PACRG: variants seen among roughly 807,000 people sequenced by gnomAD.
PACRG encodes parkin coregulated, also known as parkin coregulated gene protein.
A neutral mutation model predicts 29.7 loss-of-function variants in PACRG; 29 were observed. The observed-to-expected ratio is 0.98, with a 90% CI of 0.73 to 1.33. The LOEUF is 1.33. PACRG is among the 40% of genes most tolerant of loss of function. The pLI, the probability that PACRG is intolerant of heterozygous loss-of-function variation, is 0.00. For synonymous variants in PACRG, 116 were observed against 118.7 expected, an observed-to-expected ratio of 0.98 and a Z score of 0.15; for missense variants, 279 against 316.2, an observed-to-expected ratio of 0.88 and a Z score of 0.89.
At chr6:163,284,711 G>A (rs989583046) in intron 4 of PACRG, among the ~76,000 whole-genome samples, 3 of 149,272 alleles carry the variant, frequency 2.0e-5, no homozygotes, top group African/African-American at 4.9e-5. Context: ...CCCGCTCCCC[G>A]CCTCCCTTCT....
chr6:163,161,067 G>A (rs1238145995), intron 4 of PACRG, among the ~76,000 whole-genome samples: 1 of 152,162 alleles, frequency 6.6e-6, no homozygotes, highest in East Asian at 1.9e-4. Flanking sequence ...GCTCTCATCT[G>A]TTGCATTAGA....
At chr6:162,970,444 G>C (rs1465631945) in intron 2 of PACRG, among the ~76,000 whole-genome samples, 1 of 152,108 alleles carries the variant, frequency 6.6e-6, no homozygotes, top group Non-Finnish European at 1.5e-5. Flanking sequence ...CCCTCTTCTC[G>C]TTTGGCAAGA....
At chr6:163,171,807 C>A (rs188581416) in intron 4 of PACRG, among the ~76,000 whole-genome samples, 1 of 152,276 alleles carries the variant, frequency 6.6e-6, no homozygotes, top group East Asian at 1.9e-4. Context: ...GGTCGGGACC[C>A]TGGACTGCAG....
chr6:163,181,217 A>G (rs1269784630), intron 4 of PACRG, among the ~76,000 whole-genome samples: 1 of 152,104 alleles, frequency 6.6e-6, no homozygotes, highest in Non-Finnish European at 1.5e-5. Context: ...TTGCCTGACC[A>G]TTTTACTCCC....
intron 2 of PACRG, among the ~76,000 whole-genome samples, chr6:162,899,123 A>G (rs180782092): frequency 2.0e-3 from 300 of 152,298 alleles, no homozygotes; most frequent in Non-Finnish European, 3.6e-3. Flanking sequence ...GGCTTGAGTA[A>G]GTCTCTAGAT....
intron 2 of PACRG, among the ~76,000 whole-genome samples, chr6:162,930,944 T>G (rs1257330238): frequency 2.6e-5 from 4 of 151,832 alleles, no homozygotes; most frequent in Admixed American, 6.6e-5. Context: ...CATGGTGTAT[T>G]ATCTTTTTGA....
chr6:163,171,490 C>A (rs1401442072), intron 4 of PACRG, among the ~76,000 whole-genome samples: 1 of 152,168 alleles, frequency 6.6e-6, no homozygotes, highest in Non-Finnish European at 1.5e-5. Flanking sequence ...AAGCTCAGAG[C>A]GGTTAAGCAA....
chr6:162,870,776 T>A (rs1044466011), intron 2 of PACRG, among the ~76,000 whole-genome samples: 1 of 152,240 alleles, frequency 6.6e-6, no homozygotes, highest in Non-Finnish European at 1.5e-5. Context: ...TAGAAATTTC[T>A]GATATAATAA....
rs760949631 is a variant in PACRG at position 162,728,376 on chromosome 6, G to A, written c.141G>A (p.Met47Ile). The change falls in exon 1 of 5, where the codon ATG (methionine) becomes ATA (isoleucine). Residue 47 changes from methionine (M) to isoleucine (I), a missense_variant. Coordinates refer to ENST00000366888, the MANE Select transcript of PACRG (RefSeq NM_001080379.2). ...LVSEGFTVKA[M>I]MKNSVVRGPP... Reference sequence around the variant, plus strand: ...CTGAGGGTTTCACAGTCAAAGCCATGATGAAAAACTCAGTCGTAAGTGATC... The same window carrying A: ...CTGAGGGTTTCACAGTCAAAGCCATAATGAAAAACTCAGTCGTAAGTGATC... The A allele has an allele frequency of 1.6e-5, 26 of 1,612,778 alleles. No homozygotes were observed. Among genetic ancestry groups the A allele is most frequent in the Non-Finnish European group, 2.1e-5 (25 of 1,179,988 alleles).
At chr6:162,817,138 T>C (rs1337961676) in intron 2 of PACRG, among the ~76,000 whole-genome samples, 2 of 152,224 alleles carry the variant, frequency 1.3e-5, no homozygotes, top group Admixed American at 6.5e-5. Flanking sequence ...ATGCACTGGC[T>C]GTAAACCCCG....
chr6:163,074,423 G>A (rs1202301907), intron 3 of PACRG, among the ~76,000 whole-genome samples: 5 of 152,108 alleles, frequency 3.3e-5, no homozygotes, highest in African/African-American at 4.8e-5. Context: ...TACCAGATGC[G>A]AGGGGAGTAA....
At chr6:163,067,910 A>C (rs1241761745) in intron 3 of PACRG, among the ~76,000 whole-genome samples, 1 of 152,160 alleles carries the variant, frequency 6.6e-6, no homozygotes, top group African/African-American at 2.4e-5. Flanking sequence ...TGCATACTTG[A>C]TTTTTATATA....
chr6:163,236,497 A>C (rs760042880), intron 4 of PACRG, among the ~76,000 whole-genome samples: 7 of 152,236 alleles, frequency 4.6e-5, no homozygotes, highest in Non-Finnish European at 8.8e-5. Flanking sequence ...TTGAAGATTT[A>C]GTCTCACACA....
chr6:163,052,410 A>G lies in PACRG; in HGVS notation c.292-9740A>G, dbSNP rs538310833. Among the ~76,000 whole-genome samples the G allele has an allele frequency of 1.6e-3, 241 of 152,372 alleles. 1 individual carries two copies. Among genetic ancestry groups the G allele is most frequent in the African/African-American group, 5.7e-3 (237 of 41,598 alleles). On this transcript the variant is annotated intron_variant, in intron 2 of 4. Coordinates refer to ENST00000366888, the MANE Select transcript of PACRG (RefSeq NM_001080379.2). ...TAATAGAAGCAAGGATATGGAAAGC[A>G]TAAGAGTAAGTCTCTGATTTGAGTT...
At chr6:163,305,578 C>T (rs945284558) in intron 4 of PACRG, among the ~76,000 whole-genome samples, 1 of 152,100 alleles carries the variant, frequency 6.6e-6, no homozygotes, top group African/African-American at 2.4e-5. Flanking sequence ...AATAAATGCC[C>T]ATAAAGATGG....
At chr6:162,796,512 T>C (rs1452980473) in intron 1 of PACRG, among the ~76,000 whole-genome samples, 1 of 152,170 alleles carries the variant, frequency 6.6e-6, no homozygotes, top group Non-Finnish European at 1.5e-5. Context: ...CCTATAGCCC[T>C]TATTTTTTAT....
intron 4 of PACRG, among the ~76,000 whole-genome samples, chr6:163,173,094 T>C (rs1779165420): frequency 6.6e-6 from 1 of 152,236 alleles, no homozygotes; most frequent in African/African-American, 2.4e-5. Flanking sequence ...TGTAAAAATA[T>C]GTGCTTGTGT....
Position 162,820,451 on chromosome 6 carries a change from T to A in PACRG, c.291+6170T>A, listed in dbSNP as rs144136625. Among the ~76,000 whole-genome samples, 757 of 152,302 alleles carry A rather than the reference T, an allele frequency of 5.0e-3. 5 individuals carry two copies. The highest frequency in any genetic ancestry group is 0.017 in the African/African-American group (712 of 41,562). ...AATTATTATAAAAATATGCACACATTTTCTTACAATTAAAATCAGCCCAAC... is the reference window on the plus strand; with the variant it reads ...AATTATTATAAAAATATGCACACATATTCTTACAATTAAAATCAGCCCAAC... On this transcript the variant is annotated intron_variant, in intron 2 of 4. Coordinates refer to ENST00000366888, the MANE Select transcript of PACRG (RefSeq NM_001080379.2).
intron 4 of PACRG, among the ~76,000 whole-genome samples, chr6:163,173,605 C>T (rs1452483819): frequency 6.6e-6 from 1 of 152,186 alleles, no homozygotes; most frequent in African/African-American, 2.4e-5. Flanking sequence ...GAATCACGCT[C>T]TCCGCTCTCC....
Sources: allele counts gnomAD v4.1 joint callset (sites outside exome capture counted in the v4.1 genomes callset), GRCh38; gene constraint gnomAD v4.1.1; transcripts MANE v1.5; gene names NCBI Gene and HGNC (gene_info 2026-07-23, HGNC 2026-07-21).